CYLD: variants seen among roughly 807,000 people sequenced by gnomAD.
CYLD encodes ubiquitin carboxyl-terminal hydrolase CYLD.
A neutral mutation model predicts 104.5 loss-of-function variants in CYLD; 26 were observed. That is an observed-to-expected ratio of 0.25 (90% CI 0.18 to 0.35). CYLD has a LOEUF of 0.35. Ranked by LOEUF, CYLD falls within the 10% of genes least tolerant of loss-of-function variation. The pLI is 1.00. For missense variants in CYLD, 703 were observed against 1,136.1 expected, an observed-to-expected ratio of 0.62 and a Z score of 5.48; for synonymous variants, 385 against 399.9, an observed-to-expected ratio of 0.96 and a Z score of 0.45.
chr16:50,784,179 G>C, intron 11 of CYLD, 150 bp from the exon 12 acceptor site: 1 of 742,890 alleles, frequency 1.3e-6, no homozygotes, highest in Non-Finnish European at 2.3e-6. Flanking sequence ...TCTTCACAGG[G>C]GTCCTGGTAC....
chr16:50,778,011 TA>T, intron 8 of CYLD, 70 bp downstream of exon 8: 1 of 892,820 alleles, frequency 1.1e-6, no homozygotes, highest in African/African-American at 1.7e-5. Context: ...AATGGTTTTT[TA>T]TATCAATATT....
In CYLD at chr16:50,794,085, G is replaced by A. The variant is rs1971725782; in HGVS notation, c.2470-127G>A. 2.4e-6 allele frequency: 2 copies of A among 837,306 alleles called. No homozygotes were observed. The highest frequency in any genetic ancestry group is 2.0e-5 in the Admixed American group (1 of 50,228). 51.9% of individuals were successfully genotyped at this position (837,306 alleles called of 1,614,324 possible). ...TGGGACTGCAGGCGCCTGCCACCAC[G>A]CCCAGCTAATTTTTGTATTTTTAAC... On this transcript the variant is annotated intron_variant, in intron 17 of 18. Coordinates refer to ENST00000427738, the MANE Select transcript of CYLD (RefSeq NM_001378743.1). This position sits in a 1 kb window ranked among gnomAD's most constrained non-coding sequence, Gnocchi z 4.1.
In CYLD at chr16:50,796,904, T is replaced by C. The variant is rs1972099450; in HGVS notation, c.*396T>C. On this transcript the variant is annotated 3_prime_UTR_variant, in exon 19 of 19. Transcript: ENST00000427738. ...TGGACCAAGGATATGAAATCATTTT[T>C]CTTTTGTAGCTAACGGTTGCCTTGA... The C allele has an allele frequency of 3.1e-6, 1 of 321,002 alleles. No homozygotes were observed. The highest frequency in any genetic ancestry group is 4.8e-5 in the East Asian group (1 of 20,750). 19.9% of individuals were successfully genotyped at this position (321,002 alleles called of 1,614,324 possible).
chr16:50,749,953 T>C lies in CYLD; in HGVS notation c.255T>C (p.Asp85=). The change falls in exon 3 of 19, where the codon GAT becomes GAC. Residue 85 remains aspartate (D), a synonymous_variant. Coordinates refer to ENST00000427738, the MANE Select transcript of CYLD (RefSeq NM_001378743.1). ...LEQPHAVLFV[D]EKDVVEINEK... Reference sequence around the variant, plus strand: ...AACCTCATGCAGTTCTCTTTGTTGATGAAAAGGATGTTGTAGAGATAAATG... The same window carrying C: ...AACCTCATGCAGTTCTCTTTGTTGACGAAAAGGATGTTGTAGAGATAAATG... 1 of 1,614,118 alleles carries C rather than the reference T, an allele frequency of 6.2e-7. No individual in the cohort carries two copies. The highest frequency in any genetic ancestry group is 8.5e-7 in the Non-Finnish European group (1 of 1,180,002).
At chr16:50,793,305 TA>T (rs1971613642) in intron 16 of CYLD, among the ~76,000 whole-genome samples, 1 of 152,196 alleles carries the variant, frequency 6.6e-6, no homozygotes, top group Non-Finnish European at 1.5e-5. Flanking sequence ...ATGGGTATTT[TA>T]TAATGAAGGG....
At chr16:50,784,233 A>G (rs1970583214) in intron 11 of CYLD, 96 bp from the exon 12 acceptor site, 1 of 1,344,070 alleles carries the variant, frequency 7.4e-7, no homozygotes. Flanking sequence ...TTTGTTCTCC[A>G]GACTTTACTT....
At position 50,759,631 on chromosome 16, in the gene CYLD, A is replaced by G. The variant is rs947005058; in HGVS notation, c.913+5207A>G. ...GGGCATTAGTAGTTTGTTCACTCTC[A>G]CTGCTTCATAGTATATTTCGTCATG... On this transcript the variant is annotated intron_variant, in intron 5 of 18. Transcript: ENST00000427738. Among the ~76,000 whole-genome samples, 19 of 152,270 alleles carry G rather than the reference A, an allele frequency of 1.2e-4. No homozygotes were observed. In the East Asian group the frequency reaches 3.3e-3, roughly 26 times the overall value.
At position 50,749,647 on chromosome 16, in the gene CYLD, A is replaced by G. The variant is rs1004531529; in HGVS notation, c.-52A>G. The G allele has an allele frequency of 1.8e-5, 29 of 1,582,644 alleles. No individual in the cohort carries two copies. The South Asian group carries it at 2.8e-4, about 15-fold the overall frequency. On this transcript the variant is annotated 5_prime_UTR_variant, in exon 3 of 19. Transcript: ENST00000427738. ...TTTATCTTTTGCGGTTTTATGACAA[A>G]GTTATTAGTAGTTTCCCTTTTTTGA...
At chr16:50,780,113 A>G (rs369084965) in intron 9 of CYLD, 69 bp downstream of exon 9, 3 of 1,560,818 alleles carry the variant, frequency 1.9e-6, no homozygotes, top group East Asian at 2.2e-5. Flanking sequence ...TCGCCCTATT[A>G]TATGCTTTTT....
chr16:50,742,888 T>TG (rs1206445849), intron 2 of CYLD, 47 bp downstream of exon 2: 1 of 16,094 alleles, frequency 6.2e-5, no homozygotes, highest in Admixed American at 1.2e-3. Flanking sequence ...TCGAGGGGGG[T>TG]GGGGGGCGAA....
At chr16:50,786,568 T>C (rs1415135115) in intron 12 of CYLD, 4 of 327,312 alleles carry the variant, frequency 1.2e-5, no homozygotes, top group Non-Finnish European at 1.7e-5. Context: ...AAGAGCAGCC[T>C]GGCCAACATG....
At chr16:50,761,053 T>C (rs1967863472) in intron 5 of CYLD, among the ~76,000 whole-genome samples, 1 of 152,200 alleles carries the variant, frequency 6.6e-6, no homozygotes, top group Admixed American at 6.5e-5. Flanking sequence ...ATGTTGAACA[T>C]TTTTGCATAT....
chr16:50,796,191 C>G, intron 18 of CYLD, 133 bp from the exon 19 acceptor site: 3 of 833,666 alleles, frequency 3.6e-6, no homozygotes, highest in Non-Finnish European at 5.6e-6. Context: ...GCTTTCACTT[C>G]CAGAAATCAG....
At position 50,794,265 on chromosome 16, in the gene CYLD, C is replaced by T. The variant is rs778117801; in HGVS notation, c.2523C>T (p.Pro841=). The change falls in exon 18 of 19, where the codon CCC becomes CCT. Residue 841 remains proline (P), a synonymous_variant. Coordinates refer to ENST00000427738, the MANE Select transcript of CYLD (RefSeq NM_001378743.1). The surrounding 1 kb of genome is among the most constrained non-coding windows in gnomAD (Gnocchi z 4.1). ...ATAAATATAACCCAGTGTCACTTCC[C>T]AAAGACTTACCCGACTGGGACTGGA... ...LNHKYNPVSL[P]KDLPDWDWRH... The T allele has an allele frequency of 3.7e-6, 6 of 1,614,134 alleles. No individual in the cohort carries two copies. The South Asian group carries it at 4.4e-5, about 12-fold the overall frequency.
chr16:50,769,252 C>G (rs1468785140), intron 5 of CYLD, among the ~76,000 whole-genome samples: 1 of 152,118 alleles, frequency 6.6e-6, no homozygotes, highest in Non-Finnish European at 1.5e-5. Context: ...TTAAATAAAA[C>G]CCCCAAACCT....
At chr16:50,756,809 G>A (rs536448853) in intron 5 of CYLD, among the ~76,000 whole-genome samples, 45 of 152,050 alleles carry the variant, frequency 3.0e-4, no homozygotes, top group Admixed American at 2.8e-3. Context: ...TCCCCATTTC[G>A]CTGATAAAAA....
rs1969442314 is a variant in CYLD, at chr16:50,774,315, G to C, written c.914-851G>C. On this transcript the variant is annotated intron_variant, in intron 5 of 18. Transcript: ENST00000427738. ...AATGACAACATCATAAAAGAACAGTGGTCTCCTCTTTCATCAAGGGATACT... is the reference window on the plus strand; with the variant it reads ...AATGACAACATCATAAAAGAACAGTCGTCTCCTCTTTCATCAAGGGATACT... Among the ~76,000 whole-genome samples, 7 of 152,012 alleles carry C rather than the reference G, an allele frequency of 4.6e-5. No homozygotes were observed. In the South Asian group the frequency reaches 1.5e-3, roughly 32 times the overall value.
At chr16:50,762,620 A>G (rs1013613971) in intron 5 of CYLD, among the ~76,000 whole-genome samples, 4 of 152,224 alleles carry the variant, frequency 2.6e-5, no homozygotes, top group Non-Finnish European at 5.9e-5. Context: ...CTCAAATACT[A>G]TAAGAGAGTT....
At chr16:50,762,299 ATAG>A (rs1968037258) in intron 5 of CYLD, among the ~76,000 whole-genome samples, 1 of 152,228 alleles carries the variant, frequency 6.6e-6, no homozygotes, top group South Asian at 2.1e-4. Flanking sequence ...TGTTTTCAAA[ATAG>A]TAGTCTTCTT....
Sources: gnomAD v4.1 joint callset for allele counts (sites outside exome capture counted in the v4.1 genomes callset) on GRCh38, gnomAD v4.1.1 for gene constraint, Gnocchi (gnomAD v3.1) non-coding constraint, MANE v1.5 for transcripts, NCBI Gene and HGNC (gene_info 2026-07-23, HGNC 2026-07-21) for gene names.